The following DSCAM variants were observed in gnomAD, a reference collection of about 807,000 sequenced individuals.
The protein encoded by DSCAM is DS cell adhesion molecule.
Under a neutral mutation model 217.7 loss-of-function variants are expected in DSCAM, and 47 were observed. That is an observed-to-expected ratio of 0.22 (90% CI 0.17 to 0.28). The LOEUF is 0.28. Among genes scored for constraint, DSCAM ranks in the 10% least tolerant of loss-of-function variants. DSCAM has a pLI of 1.00. For missense variants in DSCAM, 2,080 were observed against 2,618.3 expected (o/e 0.79, Z 4.49); for synonymous variants, 1,056 against 1,015.3 (o/e 1.04, Z -0.76).
chr21:40,677,761 C>T (rs1282146278), intron 3 of DSCAM, among the ~76,000 whole-genome samples: 1 of 151,966 alleles, frequency 6.6e-6, no homozygotes, highest in African/African-American at 2.4e-5. Flanking sequence ...AAAAGAGACC[C>T]CAGAGACACC....
intron 32 of DSCAM, among the ~76,000 whole-genome samples, chr21:40,028,932 T>C (rs914840128): frequency 2.0e-5 from 3 of 151,670 alleles, no homozygotes; most frequent in Non-Finnish European, 4.4e-5. Context: ...AGGATAGCTA[T>C]CCACAAAGCA....
At chr21:40,443,742 G>A (rs2075651429) in intron 3 of DSCAM, among the ~76,000 whole-genome samples, 1 of 152,208 alleles carries the variant, frequency 6.6e-6, no homozygotes, top group African/African-American at 2.4e-5. Flanking sequence ...GCAGATGTAA[G>A]ATGGGTCCTA....
chr21:40,414,357 T>G (rs1404174569), intron 3 of DSCAM, among the ~76,000 whole-genome samples: 1 of 152,198 alleles, frequency 6.6e-6, no homozygotes, highest in African/African-American at 2.4e-5. Flanking sequence ...AGGAGATATA[T>G]GAACAGTCAA....
intron 1 of DSCAM, among the ~76,000 whole-genome samples, chr21:40,832,600 G>A (rs958134889): frequency 1.3e-5 from 2 of 152,122 alleles, no homozygotes; most frequent in African/African-American, 2.4e-5. Context: ...GCTCTTGAAC[G>A]CAAGAGGCTA....
chr21:40,762,093 C>G (rs538928943), intron 1 of DSCAM, among the ~76,000 whole-genome samples: 2 of 152,086 alleles, frequency 1.3e-5, no homozygotes, highest in East Asian at 3.9e-4. Context: ...TAGCAGAAGA[C>G]AAGAAATAAC....
intron 5 of DSCAM, among the ~76,000 whole-genome samples, chr21:40,349,839 C>T (rs775689661): frequency 1.3e-4 from 19 of 151,866 alleles, no homozygotes; most frequent in Admixed American, 5.2e-4. Context: ...TTATGGAAAA[C>T]GAAAAATAAA....
chr21:40,402,172 G>C (rs2075241682), intron 3 of DSCAM, among the ~76,000 whole-genome samples: 2 of 138,038 alleles, frequency 1.4e-5, no homozygotes, highest in African/African-American at 5.3e-5. Context: ...TCATTCTCCT[G>C]CCTCAGCCTC....
chr21:40,316,721 T>C (rs557353364), intron 8 of DSCAM, among the ~76,000 whole-genome samples: 6 of 152,310 alleles, frequency 3.9e-5, no homozygotes, highest in Admixed American at 2.6e-4. Context: ...CTTGTGTATT[T>C]CACTCTACAT....
At chr21:40,579,055 C>T (rs553417445) in intron 3 of DSCAM, among the ~76,000 whole-genome samples, 60 of 152,080 alleles carry the variant, frequency 3.9e-4, no homozygotes, top group Non-Finnish European at 6.6e-4. Context: ...ACATTTGTAA[C>T]GACAGAGGGA....
chr21:40,578,203 C>G (rs921342320), intron 3 of DSCAM, among the ~76,000 whole-genome samples: 1 of 152,076 alleles, frequency 6.6e-6, no homozygotes, highest in South Asian at 2.1e-4. Flanking sequence ...CTAGTTAAAC[C>G]CTTCTGTGAA....
intron 3 of DSCAM, 119 bp from the exon 4 acceptor site, chr21:40,369,364 A>C (rs1207444734): frequency 1.1e-6 from 1 of 947,378 alleles, no homozygotes; most frequent in African/African-American, 1.7e-5. Context: ...TGAAAAGGCT[A>C]AAAATGGGTG....
rs145333963 is a variant in DSCAM, at chr21:40,492,896, A to T, written c.509-123651T>A. ...TACAGAAAAGTCAAAATTTTCAATC[A>T]GATTCAATGCAAGCAAGACTACACC... On this transcript the variant is annotated intron_variant, in intron 3 of 32. Transcript: ENST00000400454. Among the ~76,000 whole-genome samples, 729 of 152,218 alleles carry T rather than the reference A, an allele frequency of 4.8e-3. 17 individuals are homozygous for T. The highest frequency in any genetic ancestry group is 0.043 in the Admixed American group (657 of 15,286).
At chr21:40,106,699 G>A (rs2089825281) in intron 20 of DSCAM, among the ~76,000 whole-genome samples, 1 of 152,152 alleles carries the variant, frequency 6.6e-6, no homozygotes, top group African/African-American at 2.4e-5. Context: ...TCAGTCTTGG[G>A]AGAGTGTATG....
intron 1 of DSCAM, among the ~76,000 whole-genome samples, chr21:40,724,724 C>T (rs989685321): frequency 6.6e-6 from 1 of 152,110 alleles, no homozygotes; most frequent in Non-Finnish European, 1.5e-5. Context: ...GTAATTAAAC[C>T]TTTCACTCCA....
At chr21:40,535,495 G>A (rs1002784023) in intron 3 of DSCAM, among the ~76,000 whole-genome samples, 6 of 152,116 alleles carry the variant, frequency 3.9e-5, no homozygotes, top group Non-Finnish European at 7.4e-5. Context: ...AGTGTTTGTC[G>A]AAGTTAAAAA....
chr21:40,209,389 A>C (rs2091159420), intron 11 of DSCAM, among the ~76,000 whole-genome samples: 1 of 152,178 alleles, frequency 6.6e-6, no homozygotes. Flanking sequence ...GCCTGCACAC[A>C]CAAGACTCCT....
intron 3 of DSCAM, chr21:40,621,208 T>C (rs908747509): frequency 1.3e-5 from 2 of 152,180 alleles, no homozygotes; most frequent in African/African-American, 2.4e-5. Context: ...TTTTATTACA[T>C]GTAAATTATA....
At chr21:40,488,197 G>C (rs928928148) in intron 3 of DSCAM, among the ~76,000 whole-genome samples, 1 of 152,182 alleles carries the variant, frequency 6.6e-6, no homozygotes, top group African/African-American at 2.4e-5. Context: ...CTCCGCACCT[G>C]GAACAGTGGC....
chr21:40,124,318 AG>A lies in DSCAM; in HGVS notation c.3572del (p.Pro1191LeufsTer5). The A allele has an allele frequency of 1.2e-6, 2 of 1,613,858 alleles. No homozygotes were observed. Among genetic ancestry groups the A allele is most frequent in the Non-Finnish European group, 1.7e-6 (2 of 1,180,022 alleles). On this transcript the variant is annotated frameshift_variant, in exon 20 of 33. Coordinates refer to ENST00000400454, the MANE Select transcript of DSCAM (RefSeq NM_001389.5). LOFTEE classifies it high-confidence loss of function. The part of the protein sequence containing the change: ...FTRTKEDVPG[P>X]PAGVKAAAAS... ...CCGCCGCTGCCTTCACACCCGCGGG[AG>A]GACCTGGAACTGGAAGAGCCGTGTG...
Sources: gnomAD v4.1 joint callset for allele counts (sites outside exome capture counted in the v4.1 genomes callset) on GRCh38, gnomAD v4.1.1 for gene constraint, MANE v1.5 for transcripts, NCBI Gene and HGNC (gene_info 2026-07-23, HGNC 2026-07-21) for gene names.